Variants in INCA1 observed in about 807,000 individuals in gnomAD.
The protein encoded by INCA1 is inhibitor of CDK, cyclin A1 interacting protein 1.
In INCA1, 28 loss-of-function variants were observed where a neutral mutation model predicts 25.7. The ratio of observed to expected loss-of-function variants is 1.09; its 90% CI spans 0.81 to 1.49. The LOEUF (loss-of-function observed/expected upper bound fraction) is 1.49, where lower values mean the gene tolerates loss of function less well. INCA1 is among the 40% of genes most tolerant of loss of function. The probability of loss-of-function intolerance (pLI) is 0.00; values close to 1 mark genes in which losing one functional copy is unlikely to be tolerated. For missense variants in INCA1, 309 were observed against 290.9 expected, an observed-to-expected ratio of 1.06 and a Z score of -0.45; for synonymous variants, 111 against 103.6, an observed-to-expected ratio of 1.07 and a Z score of -0.43.
chr17:4,989,337 C>T, intron 5 of INCA1, 91 bp downstream of exon 5: 1 of 1,235,494 alleles, frequency 8.1e-7, no homozygotes, highest in South Asian at 1.4e-5. Flanking sequence ...CTCAAACCTC[C>T]CCTCAAAGCT....
chr17:4,997,193 G>A (rs1048136595), upstream of INCA1: 1 of 152,430 alleles, frequency 6.6e-6, no homozygotes, highest in Non-Finnish European at 1.5e-5. Flanking sequence ...CTGAAAGGGC[G>A]ACGGGGACCC....
intron 2 of INCA1, 61 bp from the exon 3 acceptor site, chr17:4,990,326 C>A: frequency 6.5e-7 from 1 of 1,542,492 alleles, no homozygotes; most frequent in South Asian, 1.3e-5. Context: ...CTACTCATCC[C>A]AAGGATTCAG....
At chr17:4,988,550 A>G in exon 7 of INCA1, 1 of 1,609,340 alleles carries the variant, frequency 6.2e-7, no homozygotes, top group Non-Finnish European at 8.5e-7. Flanking sequence ...GGGAGACCAA[A>G]GCAGCTGTCA....
chr17:4,988,226 G>A, exon 7 of INCA1: 1 of 579,154 alleles, frequency 1.7e-6, no homozygotes, highest in Non-Finnish European at 2.9e-6. Context: ...TGTGAGAGCG[G>A]TGGGTTGAGA....
chr17:4,989,561 G>A, exon 5 of INCA1: 1 of 1,614,230 alleles, frequency 6.2e-7, no homozygotes, highest in African/African-American at 1.3e-5. Context: ...CTTCTCCAAA[G>A]CATTTCAGGG....
intron 2 of INCA1, among the ~76,000 whole-genome samples, chr17:4,992,136 G>A (rs1306665950): frequency 1.3e-5 from 2 of 152,212 alleles, no homozygotes; most frequent in Non-Finnish European, 2.9e-5. Context: ...TATTGAAGCT[G>A]ACTGAAAAGG....
chr17:4,989,088 C>T, intron 5 of INCA1, 144 bp from the exon 6 acceptor site: 1 of 926,572 alleles, frequency 1.1e-6, no homozygotes, highest in Admixed American at 2.9e-5. Context: ...TCCCAATTTT[C>T]TGCTCCCCTC....
chr17:4,991,630 A>G (rs1973882144), intron 2 of INCA1, among the ~76,000 whole-genome samples: 1 of 152,136 alleles, frequency 6.6e-6, no homozygotes, highest in Non-Finnish European at 1.5e-5. Flanking sequence ...ATCTCTTCTT[A>G]GGTGATCTCA....
Position 4,988,639 on chromosome 17 carries a change from G to A in INCA1, c.562-85C>T, listed in dbSNP as rs534261711. ...CCTAGTACCCAAGCTTAGGTACCTC[G>A]AAGTCTCTGGTTCTCACCTACGTTA... On this transcript the variant is annotated intron_variant, in intron 6 of 6. Transcript: ENST00000576820. 1.7e-5 allele frequency: 26 copies of A among 1,571,554 alleles called. 1 individual carries two copies. In the East Asian group the frequency reaches 1.8e-4, roughly 11 times the overall value.
intron 2 of INCA1, among the ~76,000 whole-genome samples, chr17:4,993,793 A>AT (rs1489104041): frequency 1.3e-5 from 1 of 76,308 alleles, no homozygotes; most frequent in Non-Finnish European, 2.3e-5. Context: ...TTTTTTTGAG[A>AT]TGGAGTCTTG....
downstream of INCA1, chr17:4,988,204 T>G (rs1973495742): frequency 5.9e-6 from 3 of 507,682 alleles, no homozygotes; most frequent in Non-Finnish European, 1.0e-5. Context: ...AAAACAGGAC[T>G]TGGGGTGCTC....
rs990019714 is a variant in INCA1 at position 4,989,735 on chromosome 17, C to T, written c.199-111G>A. 9.0e-6 allele frequency: 14 copies of T among 1,550,388 alleles called. No individual in the cohort carries two copies. In the Admixed American group the frequency reaches 1.0e-4, roughly 11 times the overall value. Reference sequence around the variant, plus strand: ...GGTCTTGGGAAGACCCCTGTGATCTCGAAAACATGATGACTGATTCATAGA... The same window carrying T: ...GGTCTTGGGAAGACCCCTGTGATCTTGAAAACATGATGACTGATTCATAGA... On this transcript the variant is annotated intron_variant, in intron 4 of 6. Coordinates refer to ENST00000576820, the Ensembl canonical transcript of INCA1.
exon 2 of INCA1, chr17:4,994,411 G>C (rs754978572): frequency 2.1e-5 from 34 of 1,613,760 alleles, no homozygotes; most frequent in Non-Finnish European, 2.5e-5. Flanking sequence ...AGGGGATGAG[G>C]TTGACTCCAT....
chr17:4,989,429 CGTT>C (rs773906435), exon 5 of INCA1: 8 of 1,611,370 alleles, frequency 5.0e-6, no homozygotes, highest in East Asian at 2.2e-5. Flanking sequence ...CTTCCTTACT[CGTT>C]GATGATGCTC....
At chr17:4,990,749 G>A (rs1371299750) in intron 2 of INCA1, among the ~76,000 whole-genome samples, 2 of 151,322 alleles carry the variant, frequency 1.3e-5, no homozygotes, top group African/African-American at 2.4e-5. Flanking sequence ...CAGGCGTGGT[G>A]GCGGGCACCT....
chr17:4,993,825 G>A (rs986914746), intron 2 of INCA1, among the ~76,000 whole-genome samples: 1 of 133,592 alleles, frequency 7.5e-6, no homozygotes, highest in African/African-American at 2.9e-5. Context: ...AGGCTGGAGT[G>A]CAGTGGCACA....
chr17:4,988,634 A>C, intron 6 of INCA1, 80 bp from the exon 7 acceptor site: 1 of 1,576,406 alleles, frequency 6.3e-7, no homozygotes, highest in Non-Finnish European at 8.6e-7. Context: ...AAGCTTAGGT[A>C]CCTCGAAGTC....
At chr17:4,991,429 C>T (rs189833431) in intron 2 of INCA1, among the ~76,000 whole-genome samples, 2 of 152,248 alleles carry the variant, frequency 1.3e-5, no homozygotes, top group African/African-American at 4.8e-5. Flanking sequence ...GGGAGAGAAC[C>T]TCTGTTTACT....
At chr17:4,993,330 C>T (rs1180283991) in intron 2 of INCA1, among the ~76,000 whole-genome samples, 1 of 152,090 alleles carries the variant, frequency 6.6e-6, no homozygotes, top group South Asian at 2.1e-4. Flanking sequence ...CAGGCATGCG[C>T]CACCACACTT....
Sources: allele counts gnomAD v4.1 joint callset (sites outside exome capture counted in the v4.1 genomes callset), GRCh38; gene constraint gnomAD v4.1.1; transcripts MANE v1.5; gene names NCBI Gene and HGNC (gene_info 2026-07-23, HGNC 2026-07-21).